The following CAPZB variants were observed in gnomAD, a reference collection of about 807,000 sequenced individuals.
The protein encoded by CAPZB is F-actin-capping protein subunit beta.
A neutral mutation model predicts 38.1 loss-of-function variants in CAPZB; 2 were observed. That is an observed-to-expected ratio of 0.05 (90% confidence interval 0.02 to 0.17). The LOEUF is 0.17. CAPZB is among the 10% of genes least tolerant of loss of function. The pLI is 1.00. For synonymous variants in CAPZB, 107 were observed against 127.4 expected, an observed-to-expected ratio of 0.84 and a Z score of 1.08; for missense variants, 161 against 334.2, an observed-to-expected ratio of 0.48 and a Z score of 4.04.
chr1:19,364,447 G>A (rs1193912508), intron 4 of CAPZB, among the ~76,000 whole-genome samples: 1 of 152,118 alleles, frequency 6.6e-6, no homozygotes, highest in African/African-American at 2.4e-5. Context: ...AGTTCTCTCT[G>A]GACTTGAGTG....
intron 6 of CAPZB, among the ~76,000 whole-genome samples, chr1:19,347,471 C>A (rs2093968284): frequency 6.6e-6 from 1 of 152,158 alleles, no homozygotes; most frequent in African/African-American, 2.4e-5. Context: ...AGGGACCTGG[C>A]CACATTTCCA....
chr1:19,339,759 G>A (rs914092305), intron 8 of CAPZB, 142 bp from the exon 9 acceptor site: 11 of 717,282 alleles, frequency 1.5e-5, no homozygotes, highest in Non-Finnish European at 2.8e-5. Context: ...ACTGGGCTGG[G>A]CATCTGCCCC....
intron 1 of CAPZB, among the ~76,000 whole-genome samples, chr1:19,452,722 C>A (rs1422712374): frequency 6.6e-6 from 1 of 152,104 alleles, no homozygotes; most frequent in Non-Finnish European, 1.5e-5. Context: ...CTCCACCACA[C>A]TGCCCTCCTG....
In CAPZB at chr1:19,384,750, A is replaced by C. The variant is rs145521565; in HGVS notation, c.215+755T>G. 2.1e-4 allele frequency among the ~76,000 whole-genome samples: 32 copies of C among 152,266 alleles called. 1 individual carries two copies. The highest frequency in any genetic ancestry group is 7.5e-4 in the African/African-American group (31 of 41,532). On this transcript the variant is annotated intron_variant, in intron 3 of 8. Coordinates refer to ENST00000264202, the MANE Select transcript of CAPZB (RefSeq NM_004930.5). ...AAGGCAGTGACTACTGCAATTCATC[A>C]TGGAAACACTGGGCCAGTTTAAGGA...
intron 1 of CAPZB, chr1:19,449,005 C>T: frequency 1.3e-6 from 2 of 1,556,216 alleles, no homozygotes; most frequent in Non-Finnish European, 8.7e-7. Context: ...ACTAGGGACG[C>T]TGCCCCAGGC....
chr1:19,398,430 C>T (rs2094284477), intron 2 of CAPZB, among the ~76,000 whole-genome samples: 1 of 152,216 alleles, frequency 6.6e-6, no homozygotes, highest in Admixed American at 6.5e-5. Context: ...CTCACGATCA[C>T]AAGCTTCTAA....
chr1:19,348,764 G>T (rs972111992), intron 6 of CAPZB, among the ~76,000 whole-genome samples: 9 of 134,434 alleles, frequency 6.7e-5, no homozygotes, highest in South Asian at 2.5e-4. Flanking sequence ...TGACAAGGGG[G>T]GGGGGCGGTC....
At chr1:19,427,445 G>A (rs945206085) in intron 1 of CAPZB, among the ~76,000 whole-genome samples, 3 of 152,148 alleles carry the variant, frequency 2.0e-5, no homozygotes, top group Non-Finnish European at 4.4e-5. Context: ...CAAATTTATG[G>A]AGTCTCACTT....
At chr1:19,455,296 T>C (rs1055266290) in intron 1 of CAPZB, among the ~76,000 whole-genome samples, 2 of 152,240 alleles carry the variant, frequency 1.3e-5, no homozygotes, top group African/African-American at 4.8e-5. Flanking sequence ...CATCAGCAAA[T>C]GCTAACACAG....
At chr1:19,419,997 G>A (rs2094395178) in intron 1 of CAPZB, 3 of 468,874 alleles carry the variant, frequency 6.4e-6, no homozygotes, top group Admixed American at 7.6e-5. Context: ...AGTGGAAGCA[G>A]GCTGGAGACG....
At chr1:19,478,275 G>T (rs764972666) in intron 1 of CAPZB, among the ~76,000 whole-genome samples, 5 of 152,128 alleles carry the variant, frequency 3.3e-5, no homozygotes, top group Non-Finnish European at 5.9e-5. Flanking sequence ...AGGCTGGTTG[G>T]GAAGTTAAAT....
chr1:19,438,523 C>T (rs58768502), intron 1 of CAPZB, among the ~76,000 whole-genome samples: 1,907 of 152,278 alleles, frequency 0.013, 41 homozygotes, highest in African/African-American at 0.044. Context: ...GAGCCTTTCT[C>T]AAGTGTCTTA....
intron 6 of CAPZB, among the ~76,000 whole-genome samples, chr1:19,353,606 T>C (rs1484743759): frequency 6.6e-6 from 1 of 152,110 alleles, no homozygotes; most frequent in East Asian, 1.9e-4. Context: ...ATCTCTCTCC[T>C]TGATGACTGT....
At chr1:19,369,785 C>G (rs1300999907) in intron 4 of CAPZB, among the ~76,000 whole-genome samples, 1 of 152,222 alleles carries the variant, frequency 6.6e-6, no homozygotes, top group Admixed American at 6.5e-5. Context: ...CCAAACCGTC[C>G]CTGCAGCTCC....
chr1:19,457,484 T>C (rs1176734611), intron 1 of CAPZB, among the ~76,000 whole-genome samples: 3 of 152,174 alleles, frequency 2.0e-5, no homozygotes, highest in Non-Finnish European at 2.9e-5. Context: ...ATTCTCTAAT[T>C]TGGTACAAGC....
At chr1:19,417,666 A>G (rs2094385711) in intron 2 of CAPZB, among the ~76,000 whole-genome samples, 1 of 152,106 alleles carries the variant, frequency 6.6e-6, no homozygotes. Context: ...CCTCACTTTC[A>G]AGGATACCTC....
chr1:19,382,374 G>A (rs2094180213), intron 3 of CAPZB, among the ~76,000 whole-genome samples: 1 of 152,128 alleles, frequency 6.6e-6, no homozygotes, highest in Non-Finnish European at 1.5e-5. Flanking sequence ...GGAATGCCTA[G>A]ATTTCAAAAG....
At chr1:19,423,472 T>C (rs1032446209) in intron 1 of CAPZB, among the ~76,000 whole-genome samples, 1 of 151,080 alleles carries the variant, frequency 6.6e-6, no homozygotes, top group Non-Finnish European at 1.5e-5. Context: ...CCTAGGATGC[T>C]GTCACTTTTA....
chr1:19,405,893 C>G (rs574737980), intron 2 of CAPZB, among the ~76,000 whole-genome samples: 1 of 152,340 alleles, frequency 6.6e-6, no homozygotes, highest in South Asian at 2.1e-4. Flanking sequence ...ACCCGAGAGT[C>G]TGGAGCTTCA....
Sources: allele counts gnomAD v4.1 joint callset (sites outside exome capture counted in the v4.1 genomes callset), GRCh38; gene constraint gnomAD v4.1.1; transcripts MANE v1.5; gene names NCBI Gene and HGNC (gene_info 2026-07-23, HGNC 2026-07-21).